The following MTA2 variants were observed in gnomAD, a reference collection of about 807,000 sequenced individuals.
The protein encoded by MTA2 is metastasis-associated protein MTA2.
Under a neutral mutation model 87.1 loss-of-function variants are expected in MTA2, and 22 were observed. The ratio of observed to expected loss-of-function variants is 0.25; its 90% CI spans 0.18 to 0.36. The LOEUF is 0.36. Ranked by LOEUF, MTA2 falls within the 10% of genes least tolerant of loss-of-function variation. The pLI is 1.00. For synonymous variants in MTA2, 314 were observed against 310.1 expected (o/e 1.01, Z -0.13); for missense variants, 542 against 853.2 (o/e 0.64, Z 4.54).
At chr11:62,600,986 G>A in intron 1 of MTA2, 2 of 486,820 alleles carry the variant, frequency 4.1e-6, no homozygotes, top group Non-Finnish European at 7.3e-6. Context: ...CCCCAGTCGC[G>A]GCGAAGTAAT....
chr11:62,600,759 G>A (rs1942175030), intron 1 of MTA2, 70 bp from the exon 2 acceptor site: 6 of 1,451,036 alleles, frequency 4.1e-6, no homozygotes, highest in Non-Finnish European at 5.8e-6. Flanking sequence ...ACCAGGGTAG[G>A]AGAGAAAGTT....
In MTA2 at chr11:62,596,451, A is replaced by G; in HGVS notation, c.957+7T>C. On this transcript the variant is annotated splice_region_variant and intron_variant, in intron 10 of 17. Transcript: ENST00000278823. ...CTATGGTCCACCCTCCCCAGCCCAGATAATACCTGCTGAATATACCGGTCT... is the reference window on the plus strand; with the variant it reads ...CTATGGTCCACCCTCCCCAGCCCAGGTAATACCTGCTGAATATACCGGTCT... 7.4e-6 allele frequency: 12 copies of G among 1,613,934 alleles called. No individual in the cohort carries two copies. The highest frequency in any genetic ancestry group is 1.0e-5 in the Non-Finnish European group (12 of 1,179,904).
Position 62,595,245 on chromosome 11 carries a change from C to A in MTA2, c.1483+19G>T. 6.2e-7 allele frequency: 1 copy of A among 1,610,588 alleles called. No homozygotes were observed. Among genetic ancestry groups the A allele is most frequent in the South Asian group, 1.1e-5 (1 of 90,992 alleles). On this transcript the variant is annotated intron_variant, in intron 14 of 17. Transcript: ENST00000278823. The surrounding 1 kb of genome is among the most constrained non-coding windows in gnomAD (Gnocchi z 4.9). Reference sequence around the variant, plus strand: ...GCAATCCGAAACCCACCACCAGTCCCACCACTCCCTGCCCTTACACTCTGC... The same window carrying A: ...GCAATCCGAAACCCACCACCAGTCCAACCACTCCCTGCCCTTACACTCTGC...
At chr11:62,601,066 C>A in intron 1 of MTA2, 1 of 505,054 alleles carries the variant, frequency 2.0e-6, no homozygotes, top group East Asian at 3.7e-5. Context: ...AAGAGGAAAC[C>A]TCCGGGCGGC....
Position 62,594,508 on chromosome 11 carries a change from C to CA in MTA2, c.1692+7dup. The CA allele has an allele frequency of 6.2e-7, 1 of 1,613,794 alleles. No individual in the cohort carries two copies. Among genetic ancestry groups the CA allele is most frequent in the Non-Finnish European group, 8.5e-7 (1 of 1,179,828 alleles). On this transcript the variant is annotated splice_region_variant and intron_variant, in intron 16 of 17. Transcript: ENST00000278823. Reference sequence around the variant, plus strand: ...CTCAATCTGGCCCACCCCTTTCTGTCAACTCACAGTCTCATAGGCCCGTTT... The same window carrying CA: ...CTCAATCTGGCCCACCCCTTTCTGTCAAACTCACAGTCTCATAGGCCCGTTT...
At position 62,594,212 on chromosome 11, in the gene MTA2, C is replaced by T. The variant is rs757564067; in HGVS notation, c.1841+47G>A. 7.5e-6 allele frequency: 12 copies of T among 1,609,436 alleles called. No individual in the cohort carries two copies. In the East Asian group the frequency reaches 2.5e-4, roughly 33 times the overall value. On this transcript the variant is annotated intron_variant, in intron 17 of 17. Transcript: ENST00000278823. ...CTGATACTCCTACTCCCCACACTCA[C>T]CAGCCTGGACTGTCCCTCTCAGCCC...
Position 62,598,499 on chromosome 11 carries a change from T to A in MTA2, c.308+23A>T, listed in dbSNP as rs761165620. ...CTTCTACGTAAGTGCACGCAGGCTA[T>A]GCTGGCCCCAGTTGTCCTGTACCGT... On this transcript the variant is annotated intron_variant, in intron 4 of 17. Coordinates refer to ENST00000278823, the MANE Select transcript of MTA2 (RefSeq NM_004739.4). 6.8e-6 allele frequency: 11 copies of A among 1,611,982 alleles called. No homozygotes were observed. In the South Asian group the frequency reaches 1.1e-4, roughly 16 times the overall value.
In MTA2 at chr11:62,598,330, C is replaced by T. The variant is rs559406259; in HGVS notation, c.369G>A (p.Lys123=). The change falls in exon 5 of 18, where the codon AAG becomes AAA. Residue 123 remains lysine (K), a synonymous_variant. Transcript: ENST00000278823. ...TCTCTCAACATCTCTTTCTCACCTC[C>T]TTTTCCAGGTACTGGCTCAAGATAT... The part of the protein sequence containing the change: ...ETDILSQYLE[K]EDCFFYSLVF... 2.4e-5 allele frequency: 39 copies of T among 1,614,078 alleles called. 1 individual carries two copies. In the South Asian group the frequency reaches 4.1e-4, roughly 17 times the overall value.
At chr11:62,594,874 C>T in intron 15 of MTA2, 107 bp downstream of exon 15, 1 of 1,067,674 alleles carries the variant, frequency 9.4e-7, no homozygotes, top group East Asian at 2.4e-5. Flanking sequence ...GTTTGTTAGA[C>T]TAAATCTCTG....
Position 62,595,305 on chromosome 11 carries a change from C to T in MTA2, c.1442G>A (p.Arg481Gln), listed in dbSNP as rs746902489. 6.2e-6 allele frequency: 10 copies of T among 1,614,188 alleles called. No homozygotes were observed. Among genetic ancestry groups the T allele is most frequent in the South Asian group, 5.5e-5 (5 of 91,080 alleles). ...DLLQPRRAARRPYAPINANAI... is the reference protein window; with the variant it reads ...DLLQPRRAARQPYAPINANAI... ...ATTGGCATTGATAGGAGCATAAGGC[C>T]GTCGGGCGGCCCTCCTTGGCTGTAA... Residue 481 changes from arginine to glutamine, a missense_variant, in exon 14 of 18, where the codon CGG becomes CAG. Arg to Gln is a conservative substitution (Grantham distance 43). Transcript: ENST00000278823. This position sits in a 1 kb window ranked among gnomAD's most constrained non-coding sequence, Gnocchi z 4.9.
At position 62,593,346 on chromosome 11, in the gene MTA2, G is replaced by A. The variant is rs1942049187; in HGVS notation, c.*529C>T. 6.6e-6 allele frequency: 1 copy of A among 151,300 alleles called. No homozygotes were observed. The highest frequency in any genetic ancestry group is 1.5e-5 in the Non-Finnish European group (1 of 67,934). 9.4% of individuals were successfully genotyped at this position (151,300 alleles called of 1,614,324 possible). ...GAGGGGGAGGGGAGGGAAGGAAAGA[G>A]CGAGCGTGGCCTGGGGTTGATGCCA... On this transcript the variant is annotated 3_prime_UTR_variant, in exon 18 of 18. Coordinates refer to ENST00000278823, the MANE Select transcript of MTA2 (RefSeq NM_004739.4).
At position 62,594,425 on chromosome 11, in the gene MTA2, T is replaced by A; in HGVS notation, c.1693-18A>T. 4 of 1,614,082 alleles carry A rather than the reference T, an allele frequency of 2.5e-6. No homozygotes were observed. The highest frequency in any genetic ancestry group is 3.4e-6 in the Non-Finnish European group (4 of 1,179,990). Reference sequence around the variant, plus strand: ...CCTGCCATCTGGAAAAGGGGTAGGATGGCACAATGAGGGAAGGGACCCTCT... The same window carrying A: ...CCTGCCATCTGGAAAAGGGGTAGGAAGGCACAATGAGGGAAGGGACCCTCT... On this transcript the variant is annotated intron_variant, in intron 16 of 17. Coordinates refer to ENST00000278823, the MANE Select transcript of MTA2 (RefSeq NM_004739.4).
Position 62,593,780 on chromosome 11 carries a change from C to T in MTA2, c.*95G>A. On this transcript the variant is annotated 3_prime_UTR_variant, in exon 18 of 18. Coordinates refer to ENST00000278823, the MANE Select transcript of MTA2 (RefSeq NM_004739.4). The stretch of plus-strand genomic sequence containing the variant: ...CTCACTTGCTCTCTTCCTTAATTCA[C>T]TCCTCACTCCCTTCGACACGAAAGG... The T allele has an allele frequency of 2.0e-6, 3 of 1,488,034 alleles. 1 individual carries two copies. In the South Asian group the frequency reaches 3.6e-5, roughly 18 times the overall value. 92.2% of individuals were successfully genotyped at this position (1,488,034 alleles called of 1,614,324 possible).
rs1435792663 is a variant in MTA2 at position 62,594,007 on chromosome 11, C to T, written c.1875G>A (p.Met625Ile). The T allele has an allele frequency of 1.2e-6, 2 of 1,612,048 alleles. No individual in the cohort carries two copies. Among genetic ancestry groups the T allele is most frequent in the Admixed American group, 1.7e-5 (1 of 59,892 alleles). Reference sequence around the variant, plus strand: ...AGTTGGGTCGGCGAGCAGCTCGCCGCATTTCCAGATGGGTCAGAGCCTTCC... The same window carrying T: ...AGTTGGGTCGGCGAGCAGCTCGCCGTATTTCCAGATGGGTCAGAGCCTTCC... ...ALRKALTHLE[M>I]RRAARRPNLP... Residue 625 changes from methionine (M) to isoleucine (I), a missense_variant, in exon 18 of 18, where the codon ATG (methionine) becomes ATA (isoleucine). Physicochemically the swap from Met to Ile is conservative, Grantham distance 10. Around this residue, in one of 6 missense-constraint regions of MTA2, gnomAD observed 269 missense variants for 346.4 expected, o/e 0.78. Transcript: ENST00000278823.
intron 15 of MTA2, 84 bp downstream of exon 15, chr11:62,594,897 G>A (rs1942077189): frequency 7.9e-7 from 1 of 1,263,662 alleles, no homozygotes; most frequent in Non-Finnish European, 1.1e-6. Flanking sequence ...GACACTATGA[G>A]GAAGAAAAAA....
chr11:62,597,061 T>C (rs1489583346), intron 8 of MTA2, among the ~76,000 whole-genome samples: 2 of 151,958 alleles, frequency 1.3e-5, no homozygotes, highest in Admixed American at 1.3e-4. Context: ...TGGTGGCGGG[T>C]GCCTGTAGTC....
rs1372456717 is a variant in MTA2, at chr11:62,595,790, T to C, written c.1216A>G (p.Thr406Ala). 6.2e-7 allele frequency: 1 copy of C among 1,614,078 alleles called. No homozygotes were observed. The change falls in exon 13 of 18, where the codon ACC becomes GCC. Residue 406 changes from threonine (T) to alanine (A), a missense_variant. Coordinates refer to ENST00000278823, the MANE Select transcript of MTA2 (RefSeq NM_004739.4). The surrounding 1 kb of genome is among the most constrained non-coding windows in gnomAD (Gnocchi z 4.9). ...IYWKKYGGLK[T>A]PTQLEGATRG... is the part of the protein sequence containing the mutation. Reference sequence around the variant, plus strand: ...GTGGCCCCCTCAAGCTGAGTTGGGGTCTTCAGTCCCCCATACTTCTTCCAG... The same window carrying C: ...GTGGCCCCCTCAAGCTGAGTTGGGGCCTTCAGTCCCCCATACTTCTTCCAG...
At position 62,596,815 on chromosome 11, in the gene MTA2, A is replaced by G; in HGVS notation, c.704T>C (p.Met235Thr). ...GTAGCCGTTCCTTTGCAAGGTATCC[A>G]TGGCGTGAAACTATGGGGAAGATGG... ...ASRDITLFHA[M>T]DTLQRNGYDL... is the part of the protein sequence containing the mutation. The change falls in exon 9 of 18, where the codon ATG (methionine) becomes ACG (threonine). Residue 235 changes from methionine (M) to threonine (T), a missense_variant. This residue lies in a region of MTA2 where 44 missense variants were observed against 104.8 expected (regional missense o/e 0.42). Coordinates refer to ENST00000278823, the MANE Select transcript of MTA2 (RefSeq NM_004739.4). The G allele has an allele frequency of 6.2e-7, 1 of 1,602,410 alleles. No homozygotes were observed. The highest frequency in any genetic ancestry group is 8.5e-7 in the Non-Finnish European group (1 of 1,175,122).
Position 62,600,680 on chromosome 11 carries a change from T to C in MTA2, c.38A>G (p.Tyr13Cys). ...ANMYRVGDYV[Y>C]FENSSSNPYL... Reference sequence around the variant, plus strand: ...AGGATTGCTGGAAGAGTTCTCAAAATAGACGTAATCTGTAAGGGAAGGGAG... The same window carrying C: ...AGGATTGCTGGAAGAGTTCTCAAAACAGACGTAATCTGTAAGGGAAGGGAG... The change falls in exon 2 of 18, where the codon TAT (tyrosine) becomes TGT (cysteine). Residue 13 changes from tyrosine to cysteine, a missense_variant. Tyr to Cys is a radical substitution (Grantham distance 194). Around this residue, in one of 6 missense-constraint regions of MTA2, gnomAD observed 150 missense variants for 243.9 expected, o/e 0.62. Transcript: ENST00000278823. The C allele has an allele frequency of 1.9e-6, 3 of 1,613,770 alleles. No individual in the cohort carries two copies. Among genetic ancestry groups the C allele is most frequent in the Non-Finnish European group, 2.5e-6 (3 of 1,179,852 alleles).
Sources: allele counts gnomAD v4.1 joint callset (sites outside exome capture counted in the v4.1 genomes callset), GRCh38; gene constraint gnomAD v4.1.1; regional missense constraint gnomAD v4.1.1; non-coding constraint Gnocchi (gnomAD v3.1); transcripts MANE v1.5; gene names NCBI Gene and HGNC (gene_info 2026-07-23, HGNC 2026-07-21).